Variants in PDCD11 observed in about 807,000 individuals in gnomAD.
The protein encoded by PDCD11 is programmed cell death 11, also known as protein RRP5 homolog.
PDCD11 carries 97 observed loss-of-function variants against 198.9 expected under a neutral mutation model. That is an observed-to-expected ratio of 0.49 (90% CI 0.41 to 0.58). PDCD11 has a LOEUF of 0.58. Ranked by LOEUF, PDCD11 falls within the 20% of genes least tolerant of loss-of-function variation. The pLI is 0.00. For synonymous variants in PDCD11, 893 were observed against 918.0 expected, an observed-to-expected ratio of 0.97 and a Z score of 0.49; for missense variants, 2,102 against 2,312.7, an observed-to-expected ratio of 0.91 and a Z score of 1.87.
chr10:103,404,565 C>G (rs1449439993), intron 4 of PDCD11, among the ~76,000 whole-genome samples: 7 of 152,248 alleles, frequency 4.6e-5, no homozygotes, highest in Non-Finnish European at 8.8e-5. Flanking sequence ...TCCCTAAGTG[C>G]TGGGATTACA....
At position 103,433,959 on chromosome 10, in the gene PDCD11, G is replaced by A. The variant is rs771650455; in HGVS notation, c.3486G>A (p.Val1162=). ...TTTTTTTCCCTCAGTACAATGTGGT[G>A]AAGAAATGGCTTGAGGTGGAGATTG... The part of the protein sequence containing the change: ...VTCFLKKYNV[V]KKWLEVEIAP... Residue 1162 remains valine (V), a synonymous_variant, in exon 23 of 36, where the codon GTG becomes GTA. Coordinates refer to ENST00000369797, the MANE Select transcript of PDCD11 (RefSeq NM_014976.2). 7 of 1,613,148 alleles carry A rather than the reference G, an allele frequency of 4.3e-6. No individual in the cohort carries two copies. The highest frequency in any genetic ancestry group is 5.9e-6 in the Non-Finnish European group (7 of 1,179,084).
rs1284685098 is a variant in PDCD11 at position 103,406,029 on chromosome 10, A to G, written c.609A>G (p.Leu203=). ...CCAGCCTGGAAGACCATGGCTACCT[A>G]GTGGACATTGGTGTTGATGGGACCA... ...TVSSLEDHGY[L]VDIGVDGTRA... is the part of the protein sequence containing the mutation. The change falls in exon 6 of 36, where the codon CTA becomes CTG. Residue 203 remains leucine, a synonymous_variant. Transcript: ENST00000369797. 3 of 1,614,130 alleles carry G rather than the reference A, an allele frequency of 1.9e-6. No individual in the cohort carries two copies.
At chr10:103,435,764 T>G (rs1457051204) in intron 25 of PDCD11, among the ~76,000 whole-genome samples, 1 of 152,202 alleles carries the variant, frequency 6.6e-6, no homozygotes, top group East Asian at 1.9e-4. Flanking sequence ...CTGCCCATCC[T>G]GGCCTCCCAA....
chr10:103,405,489 C>T (rs2030392702), intron 5 of PDCD11: 1 of 247,280 alleles, frequency 4.0e-6, no homozygotes, highest in African/African-American at 2.3e-5. Context: ...ACCACAGCCT[C>T]CACCTCCTGG....
chr10:103,414,374 C>T (rs374507080), intron 11 of PDCD11, 44 bp downstream of exon 11: 13 of 1,435,166 alleles, frequency 9.1e-6, no homozygotes, highest in Admixed American at 5.1e-5. Context: ...CACCATCAGG[C>T]GTTCTTTAGT....
chr10:103,404,598 C>T (rs1176570526), intron 4 of PDCD11, among the ~76,000 whole-genome samples: 19 of 152,208 alleles, frequency 1.2e-4, no homozygotes, highest in Non-Finnish European at 2.9e-5. Flanking sequence ...CACACCCGAC[C>T]CTCAAGTGCT....
chr10:103,403,852 A>G (rs973575297), intron 4 of PDCD11, among the ~76,000 whole-genome samples: 1 of 152,102 alleles, frequency 6.6e-6, no homozygotes, highest in African/African-American at 2.4e-5. Flanking sequence ...TTGCTTGGTG[A>G]TAGATTCAAT....
In PDCD11 at chr10:103,440,420, A is replaced by T. The variant is rs1314614036; in HGVS notation, c.4279A>T (p.Arg1427Ter). The T allele has an allele frequency of 6.2e-7, 1 of 1,614,222 alleles. No individual in the cohort carries two copies. The highest frequency in any genetic ancestry group is 8.5e-7 in the Non-Finnish European group (1 of 1,180,036). ...QEERKTEAEERDQKGEKKNQK... is the reference protein window; with the variant it reads ...QEERKTEAEE ...GGAGAGGAAAACAGAGGCTGAGGAG[A>T]GAGACCAAAAAGGGGAAAAGAAAAA... Residue 1427 changes from arginine (R) to a stop codon, truncating the protein, a stop_gained, in exon 29 of 36, where the codon AGA becomes TGA. Transcript: ENST00000369797. LOFTEE classifies it high-confidence loss of function.
intron 2 of PDCD11, among the ~76,000 whole-genome samples, chr10:103,399,191 A>C (rs1215819087): frequency 6.8e-6 from 1 of 148,078 alleles, no homozygotes; most frequent in Non-Finnish European, 1.5e-5. Flanking sequence ...CTGGGATTAC[A>C]GGTGCCTGCT....
In PDCD11 at chr10:103,405,992, C is replaced by G. The variant is rs764039001; in HGVS notation, c.572C>G (p.Thr191Arg). 2 of 1,613,966 alleles carry G rather than the reference C, an allele frequency of 1.2e-6. No homozygotes were observed. Among genetic ancestry groups the G allele is most frequent in the African/African-American group, 1.3e-5 (1 of 75,034 alleles). Reference protein sequence around the residue: ...AEALKPGMLLTGTVSSLEDHG... With the variant: ...AEALKPGMLLRGTVSSLEDHG... The stretch of plus-strand genomic sequence containing the variant: ...CTACTTTCTCTTCCCCAGCTACTTA[C>G]AGGTACCGTATCCAGCCTGGAAGAC... The change falls in exon 6 of 36, where the codon ACA becomes AGA. Residue 191 changes from threonine to arginine, a missense_variant. Physicochemically the swap from Thr to Arg is moderately conservative, Grantham distance 71 (BLOSUM62 -1). Transcript: ENST00000369797.
chr10:103,435,218 T>TA (rs974108361), intron 25 of PDCD11, among the ~76,000 whole-genome samples: 4 of 152,272 alleles, frequency 2.6e-5, no homozygotes, highest in African/African-American at 7.2e-5. Flanking sequence ...TATCATTTGA[T>TA]ATACTGTTTT....
chr10:103,413,173 C>A lies in PDCD11; in HGVS notation c.1036C>A (p.Arg346Ser). The change falls in exon 9 of 36, where the codon CGC becomes AGC. Residue 346 changes from arginine to serine, a missense_variant. Transcript: ENST00000369797. ...AACCAGAGTTGTGCACCTGAGCCTG[C>A]GCCCCATCTTCCTACAGCCTGGACG... is the stretch of plus-strand genomic sequence containing the variant. ...PRTRVVHLSL[R>S]PIFLQPGRPL... The A allele has an allele frequency of 6.2e-7, 1 of 1,614,172 alleles. No homozygotes were observed. The highest frequency in any genetic ancestry group is 8.5e-7 in the Non-Finnish European group (1 of 1,180,016).
rs1340693215 is a variant in PDCD11 at position 103,445,446 on chromosome 10, A to G, written c.5513A>G (p.Tyr1838Cys). Residue 1838 changes from tyrosine (Y) to cysteine (C), a missense_variant, in exon 36 of 36, where the codon TAC becomes TGC. Coordinates refer to ENST00000369797, the MANE Select transcript of PDCD11 (RefSeq NM_014976.2). ...PKRMKFFFKRYLDYEKQHGTE... is the reference protein window; with the variant it reads ...PKRMKFFFKRCLDYEKQHGTE... ...AGAATGAAGTTCTTCTTCAAGCGCT[A>G]CCTGGACTACGAGAAGCAGCATGGC... 1.2e-6 allele frequency: 2 copies of G among 1,614,140 alleles called. No individual in the cohort carries two copies. The highest frequency in any genetic ancestry group is 2.2e-5 in the East Asian group (1 of 44,870).
rs779542434 is a variant in PDCD11 at position 103,427,384 on chromosome 10, C to T, written c.3361C>T (p.Arg1121Trp). The T allele has an allele frequency of 1.8e-5, 29 of 1,610,864 alleles. No individual in the cohort carries two copies. The highest frequency in any genetic ancestry group is 2.3e-5 in the Non-Finnish European group (27 of 1,178,436). The change falls in exon 21 of 36, where the codon CGG becomes TGG. Residue 1121 changes from arginine (R) to tryptophan (W), a missense_variant. Physicochemically the swap from Arg to Trp is moderately radical, Grantham distance 101. Transcript: ENST00000369797. ...FVRTIPELSV[R>W]PSELEDGHTA... ...TCGAACCATCCCGGAGCTGAGTGTT[C>T]GGCCAAGGTGAGGGGGACATTAGCA...
At chr10:103,431,657 A>G (rs2031940986) in intron 21 of PDCD11, among the ~76,000 whole-genome samples, 1 of 152,162 alleles carries the variant, frequency 6.6e-6, no homozygotes, top group Non-Finnish European at 1.5e-5. Flanking sequence ...AAAATCAAGA[A>G]AATGCTAATG....
chr10:103,416,381 G>A, intron 12 of PDCD11, 110 bp from the exon 13 acceptor site: 2 of 1,057,502 alleles, frequency 1.9e-6, no homozygotes, highest in Admixed American at 2.0e-5. Context: ...AGCTATAGCA[G>A]GTTCTTGGGG....
At chr10:103,410,221 C>T (rs1484727179) in intron 8 of PDCD11, among the ~76,000 whole-genome samples, 6 of 144,864 alleles carry the variant, frequency 4.1e-5, no homozygotes, top group African/African-American at 1.3e-4. Context: ...GACAACAGAG[C>T]GAGACTCCAT....
intron 20 of PDCD11, 134 bp from the exon 21 acceptor site, chr10:103,427,195 T>A: frequency 1.3e-6 from 1 of 764,118 alleles, no homozygotes; most frequent in Middle Eastern, 2.5e-4. Flanking sequence ...CACATCTGTC[T>A]TCAGTGGTGG....
Position 103,425,389 on chromosome 10 carries a change from G to C in PDCD11, c.3169G>C (p.Asp1057His). 1 of 1,614,170 alleles carries C rather than the reference G, an allele frequency of 6.2e-7. No individual in the cohort carries two copies. Among genetic ancestry groups the C allele is most frequent in the Non-Finnish European group, 8.5e-7 (1 of 1,180,034 alleles). ...TACCCATGTGGTTGTGACTCTGGAA[G>C]ATGGCATTATTGGCTGTATCCATGC... is the stretch of plus-strand genomic sequence containing the variant. ...KPTHVVVTLE[D>H]GIIGCIHASH... The change falls in exon 20 of 36, where the codon GAT becomes CAT. Residue 1057 changes from aspartate (D) to histidine (H), a missense_variant. Coordinates refer to ENST00000369797, the MANE Select transcript of PDCD11 (RefSeq NM_014976.2).
Sources: allele counts gnomAD v4.1 joint callset (sites outside exome capture counted in the v4.1 genomes callset), GRCh38; gene constraint gnomAD v4.1.1; transcripts MANE v1.5; gene names NCBI Gene and HGNC (gene_info 2026-07-23, HGNC 2026-07-21).